Variants in FHOD3 observed in about 807,000 individuals in gnomAD.
FHOD3 encodes the protein FH1/FH2 domain-containing protein 3.
FHOD3 carries 90 observed loss-of-function variants against 173.0 expected under a neutral mutation model. The ratio of observed to expected loss-of-function variants is 0.52; its 90% CI spans 0.44 to 0.62. The LOEUF is 0.62. Ranked by LOEUF, FHOD3 falls within the 20% of genes least tolerant of loss-of-function variation. The pLI, the probability that FHOD3 is intolerant of heterozygous loss-of-function variation, is 0.00. For missense variants in FHOD3, 1,945 were observed against 2,034.7 expected (o/e 0.96, Z 0.85); for synonymous variants, 828 against 823.0 (o/e 1.01, Z -0.10).
chr18:36,338,444 T>A (rs2045436857), intron 1 of FHOD3, among the ~76,000 whole-genome samples: 1 of 152,184 alleles, frequency 6.6e-6, no homozygotes, highest in South Asian at 2.1e-4. Flanking sequence ...TATTGGCAGC[T>A]AACCAAAAGT....
intron 19 of FHOD3, among the ~76,000 whole-genome samples, chr18:36,728,275 TA>T (rs540544756): frequency 1.6e-4 from 24 of 152,358 alleles, no homozygotes; most frequent in African/African-American, 5.8e-4. Flanking sequence ...AGCACCACAG[TA>T]TTGGCATTGC....
chr18:36,343,535 A>G (rs1474612415), intron 1 of FHOD3, among the ~76,000 whole-genome samples: 2 of 152,148 alleles, frequency 1.3e-5, no homozygotes, highest in Non-Finnish European at 1.5e-5. Context: ...TGAACAGATT[A>G]ATGCCCATGG....
intron 1 of FHOD3, among the ~76,000 whole-genome samples, chr18:36,327,318 G>T (rs1436097772): frequency 1.3e-5 from 2 of 152,256 alleles, no homozygotes; most frequent in Non-Finnish European, 2.9e-5. Flanking sequence ...GTGGCATCTA[G>T]ATGATGCTTG....
chr18:36,515,745 C>T (rs1405302843), intron 5 of FHOD3, among the ~76,000 whole-genome samples: 1 of 152,182 alleles, frequency 6.6e-6, no homozygotes, highest in Non-Finnish European at 1.5e-5. Flanking sequence ...CCATTGCCAC[C>T]ACCAAAGCCT....
intron 5 of FHOD3, among the ~76,000 whole-genome samples, chr18:36,548,652 T>A (rs772024105): frequency 2.0e-5 from 3 of 152,210 alleles, no homozygotes; most frequent in Non-Finnish European, 4.4e-5. Context: ...CATTAGATTG[T>A]ATTTTCTACA....
At chr18:36,731,570 G>A (rs1208977919) in intron 20 of FHOD3, among the ~76,000 whole-genome samples, 1 of 152,214 alleles carries the variant, frequency 6.6e-6, no homozygotes, top group Non-Finnish European at 1.5e-5. Flanking sequence ...GTGGCATTGG[G>A]TGGCACCTAA....
intron 10 of FHOD3, among the ~76,000 whole-genome samples, chr18:36,642,126 A>G (rs1013803478): frequency 1.3e-5 from 2 of 152,106 alleles, no homozygotes. Context: ...AACAGATACT[A>G]GGACCTACCT....
At position 36,512,683 on chromosome 18, in the gene FHOD3, AC is replaced by A. The variant is rs1435774913; in HGVS notation, c.511+141del. ...GGTAAAGACACCCTTTGGCAAAAAA[AC>A]ATCTGCCATAGGTAAAACAGGTTTT... On this transcript the variant is annotated intron_variant, in intron 5 of 28. Coordinates refer to ENST00000590592, the MANE Select transcript of FHOD3 (RefSeq NM_001281740.3). 76 of 577,202 alleles carry A rather than the reference AC, an allele frequency of 1.3e-4. 1 individual carries two copies. The highest frequency in any genetic ancestry group is 7.6e-4 in the East Asian group (26 of 34,314). 35.8% of individuals were successfully genotyped at this position (577,202 alleles called of 1,614,324 possible).
intron 10 of FHOD3, among the ~76,000 whole-genome samples, chr18:36,630,508 A>C (rs916775303): frequency 2.6e-4 from 40 of 152,208 alleles, no homozygotes; most frequent in African/African-American, 8.9e-4. Context: ...AACAAATCCA[A>C]TTCTAATCGG....
chr18:36,361,609 C>A (rs946020676), intron 2 of FHOD3, among the ~76,000 whole-genome samples: 1 of 151,410 alleles, frequency 6.6e-6, no homozygotes, highest in Non-Finnish European at 1.5e-5. Context: ...TTGCTTGAAC[C>A]CAGGAGGTAG....
chr18:36,673,783 C>G (rs2037680928), intron 14 of FHOD3, among the ~76,000 whole-genome samples: 1 of 152,146 alleles, frequency 6.6e-6, no homozygotes, highest in Non-Finnish European at 1.5e-5. Flanking sequence ...ATCCTGCTCC[C>G]TTTCCATTCC....
chr18:36,642,198 A>C (rs1600041376), intron 10 of FHOD3, among the ~76,000 whole-genome samples: 2 of 152,208 alleles, frequency 1.3e-5, no homozygotes, highest in Admixed American at 6.5e-5. Flanking sequence ...TATTAGGCTT[A>C]GTACCTGGGT....
chr18:36,311,485 G>GGACAGTA (rs2092256069), intron 1 of FHOD3, among the ~76,000 whole-genome samples: 1 of 152,002 alleles, frequency 6.6e-6, no homozygotes. Context: ...TGAAATCTTC[G>GGACAGTA]GACAGTAGCA....
At chr18:36,515,124 T>C (rs568184226) in intron 5 of FHOD3, among the ~76,000 whole-genome samples, 9 of 152,230 alleles carry the variant, frequency 5.9e-5, no homozygotes, top group Non-Finnish European at 1.0e-4. Flanking sequence ...TGAATTGTAC[T>C]TGCTGGCAAT....
chr18:36,626,855 C>T (rs892784979), intron 10 of FHOD3, among the ~76,000 whole-genome samples: 1 of 152,120 alleles, frequency 6.6e-6, no homozygotes, highest in Non-Finnish European at 1.5e-5. Flanking sequence ...CAAGAGGTGC[C>T]CCAAACAATC....
intron 22 of FHOD3, among the ~76,000 whole-genome samples, 182 bp downstream of exon 22, chr18:36,743,038 C>T (rs191442431): frequency 1.6e-3 from 241 of 152,266 alleles, no homozygotes; most frequent in African/African-American, 5.5e-3. Context: ...AGGCCGGGCG[C>T]GGTGGCTCAC....
intron 10 of FHOD3, among the ~76,000 whole-genome samples, chr18:36,637,568 T>G (rs1001023035): frequency 2.0e-5 from 3 of 152,220 alleles, no homozygotes; most frequent in African/African-American, 4.8e-5. Flanking sequence ...AACTCCTATT[T>G]CCTTGTGCCT....
At chr18:36,520,159 A>G (rs1464180442) in intron 5 of FHOD3, among the ~76,000 whole-genome samples, 2 of 151,970 alleles carry the variant, frequency 1.3e-5, no homozygotes, top group African/African-American at 4.8e-5. Flanking sequence ...AGGTCTTACT[A>G]TGTTTCCCAG....
intron 7 of FHOD3, among the ~76,000 whole-genome samples, chr18:36,595,619 G>A (rs12958634): frequency 0.27 from 41,546 of 152,040 alleles, 5,995 homozygotes; most frequent in East Asian, 0.36. Context: ...TCAAGGATGG[G>A]GTCTCTGTCT....
Sources: gnomAD v4.1 joint callset for allele counts (sites outside exome capture counted in the v4.1 genomes callset) on GRCh38, gnomAD v4.1.1 for gene constraint, MANE v1.5 for transcripts, NCBI Gene and HGNC (gene_info 2026-07-23, HGNC 2026-07-21) for gene names.